ERC2: variants seen among roughly 807,000 people sequenced by gnomAD.
ERC2 encodes ELKS/RAB6-interacting/CAST family member 2, also known as ERC protein 2.
Under a neutral mutation model 114.8 loss-of-function variants are expected in ERC2, and 42 were observed. The observed-to-expected ratio is 0.37, with a 90% CI of 0.29 to 0.47. ERC2 has a LOEUF of 0.47. Among genes scored for constraint, ERC2 ranks in the 20% least tolerant of loss-of-function variants. The probability of loss-of-function intolerance (pLI) is 0.99; values close to 1 mark genes in which losing one functional copy is unlikely to be tolerated. For synonymous variants in ERC2, 454 were observed against 425.5 expected (o/e 1.07, Z -0.82); for missense variants, 939 against 1,150.7 (o/e 0.82, Z 2.66).
chr3:55,985,088 T>C, intron 12 of ERC2, among the ~76,000 whole-genome samples: 1 of 152,190 alleles, frequency 6.6e-6, no homozygotes, highest in East Asian at 1.9e-4. Flanking sequence ...TTTTTTGAAG[T>C]TTAGATAGCC....
intron 17 of ERC2, among the ~76,000 whole-genome samples, chr3:55,627,180 T>A (rs766836685): frequency 6.6e-6 from 1 of 152,136 alleles, no homozygotes; most frequent in African/African-American, 2.4e-5. Context: ...AGAAATTTCT[T>A]CTTTTGGCCG....
In ERC2 at chr3:55,978,834, A is replaced by G. The variant is rs1312830245; in HGVS notation, c.2267+7143T>C. On this transcript the variant is annotated intron_variant, in intron 12 of 17. Transcript: ENST00000288221. ...ATAGATAATGTCTTGAATAACTTGG[A>G]CTGTGAATGAAATATTAATATAAAC... Among the ~76,000 whole-genome samples the G allele has an allele frequency of 2.0e-5, 3 of 152,324 alleles. No homozygotes were observed. The East Asian group carries it at 5.8e-4, about 29-fold the overall frequency.
chr3:55,743,241 G>T (rs1479474593), intron 14 of ERC2, among the ~76,000 whole-genome samples: 1 of 152,202 alleles, frequency 6.6e-6, no homozygotes, highest in Non-Finnish European at 1.5e-5. Flanking sequence ...GCATGAGCCA[G>T]GGAGGTGGCT....
chr3:55,915,880 T>G (rs908208849), intron 13 of ERC2, among the ~76,000 whole-genome samples: 1 of 152,226 alleles, frequency 6.6e-6, no homozygotes, highest in Non-Finnish European at 1.5e-5. Context: ...AAGTTACAGA[T>G]GGCTCCAAAA....
Position 55,802,441 on chromosome 3 carries a change from A to AT in ERC2, c.2565-67524dup, listed in dbSNP as rs2059337947. 5.3e-5 allele frequency among the ~76,000 whole-genome samples: 8 copies of AT among 152,316 alleles called. No homozygotes were observed. In the South Asian group the frequency reaches 1.7e-3, roughly 32 times the overall value. On this transcript the variant is annotated intron_variant, in intron 14 of 17. Coordinates refer to ENST00000288221, the MANE Select transcript of ERC2 (RefSeq NM_015576.3). ...AATTAAAATGTGGGAATGCTATGTC[A>AT]TTTTTTATAAGCACAAACCTATTAG...
At chr3:56,100,039 A>C (rs1422528649) in intron 6 of ERC2, among the ~76,000 whole-genome samples, 1 of 152,208 alleles carries the variant, frequency 6.6e-6, no homozygotes, top group African/African-American at 2.4e-5. Flanking sequence ...AAGTAACATA[A>C]ATTTGGGAAA....
Position 55,730,606 on chromosome 3 carries a change from C to T in ERC2, c.2712+4165G>A, listed in dbSNP as rs1197616364. 2.6e-5 allele frequency among the ~76,000 whole-genome samples: 4 copies of T among 152,330 alleles called. No individual in the cohort carries two copies. In the East Asian group the frequency reaches 5.8e-4, roughly 22 times the overall value. On this transcript the variant is annotated intron_variant, in intron 15 of 17. Transcript: ENST00000288221. The stretch of plus-strand genomic sequence containing the variant: ...GCTACCTGGGCTAGGCAGTGTGGCT[C>T]ACACCCGTAATCCCAGCACTTTGGG...
intron 12 of ERC2, among the ~76,000 whole-genome samples, chr3:55,951,470 A>T (rs1227994956): frequency 6.6e-6 from 1 of 152,202 alleles, no homozygotes; most frequent in Non-Finnish European, 1.5e-5. Context: ...GTAAAAGACT[A>T]AAGATAAAGA....
At chr3:55,949,496 G>GA (rs370695135) in intron 13 of ERC2, among the ~76,000 whole-genome samples, 17 of 148,448 alleles carry the variant, frequency 1.1e-4, no homozygotes, top group South Asian at 4.2e-4. Flanking sequence ...ACAGAGAAAG[G>GA]AAAAAAAAAA....
intron 17 of ERC2, among the ~76,000 whole-genome samples, chr3:55,524,663 GAAGGTTAAAATCC>G (rs999346198): frequency 2.0e-5 from 3 of 152,126 alleles, no homozygotes; most frequent in African/African-American, 7.2e-5. Flanking sequence ...TAAATTTTTG[GAAGGTTAAAATCC>G]AATTTTAGTT....
At chr3:55,926,415 T>TTAAAA (rs112688151) in intron 13 of ERC2, among the ~76,000 whole-genome samples, 1 of 148,308 alleles carries the variant, frequency 6.7e-6, no homozygotes, top group African/African-American at 2.5e-5. Flanking sequence ...TTTTTGTTTT[T>TTAAAA]AAAAAAAAAA....
intron 7 of ERC2, among the ~76,000 whole-genome samples, chr3:56,033,043 AG>A (rs1364755344): frequency 0.04 from 3,590 of 89,268 alleles, 130 homozygotes; most frequent in Non-Finnish European, 0.06. Context: ...AAAGAAAGAA[AG>A]AAAGAAAGAA....
intron 14 of ERC2, among the ~76,000 whole-genome samples, chr3:55,853,061 A>C (rs531333555): frequency 6.6e-6 from 1 of 152,272 alleles, no homozygotes; most frequent in South Asian, 2.1e-4. Context: ...CCAGTTGTCA[A>C]ATATTCCTGG....
chr3:56,284,542 G>A (rs2150329806), intron 3 of ERC2, among the ~76,000 whole-genome samples: 1 of 152,290 alleles, frequency 6.6e-6, no homozygotes, highest in South Asian at 2.1e-4. Flanking sequence ...GTTTGGTGGT[G>A]CTAGAAGCAG....
At chr3:56,355,239 G>C (rs1038163165) in intron 2 of ERC2, among the ~76,000 whole-genome samples, 1 of 152,070 alleles carries the variant, frequency 6.6e-6, no homozygotes, top group Non-Finnish European at 1.5e-5. Context: ...ATATTAAGAT[G>C]AGAACACACT....
chr3:56,238,939 G>C (rs923200123), intron 3 of ERC2, among the ~76,000 whole-genome samples: 3 of 152,118 alleles, frequency 2.0e-5, no homozygotes, highest in South Asian at 2.1e-4. Flanking sequence ...ACAGCTTCTG[G>C]CTTGCCCTTT....
chr3:55,919,377 T>TA (rs1369699810), intron 13 of ERC2, among the ~76,000 whole-genome samples: 3 of 152,076 alleles, frequency 2.0e-5, no homozygotes, highest in East Asian at 3.9e-4. Context: ...AGACCGTCTC[T>TA]AAAAAAAATC....
At chr3:55,729,303 T>C (rs114585491) in intron 15 of ERC2, among the ~76,000 whole-genome samples, 5,039 of 152,206 alleles carry the variant, frequency 0.033, 268 homozygotes, top group African/African-American at 0.12. Context: ...TCATTCCGTC[T>C]GCTGGAAAAT....
intron 3 of ERC2, among the ~76,000 whole-genome samples, chr3:56,251,041 A>C (rs905720650): frequency 6.6e-6 from 1 of 152,238 alleles, no homozygotes; most frequent in African/African-American, 2.4e-5. Flanking sequence ...GACCTTCTGA[A>C]GGTGCACTGC....
Sources: gnomAD v4.1 joint callset for allele counts (sites outside exome capture counted in the v4.1 genomes callset) on GRCh38, gnomAD v4.1.1 for gene constraint, MANE v1.5 for transcripts, NCBI Gene and HGNC (gene_info 2026-07-23, HGNC 2026-07-21) for gene names.